The following HEPHL1 variants were observed in gnomAD, a reference collection of about 807,000 sequenced individuals.
HEPHL1 encodes the protein ferroxidase HEPHL1.
In HEPHL1, 123 loss-of-function variants were observed where a neutral mutation model predicts 122.0. The ratio of observed to expected loss-of-function variants is 1.01; its 90% CI spans 0.87 to 1.17. The LOEUF (loss-of-function observed/expected upper bound fraction) is 1.17. Among genes scored for constraint, HEPHL1 ranks in the 50% most tolerant of loss-of-function variants. The pLI, the probability that HEPHL1 is intolerant of heterozygous loss-of-function variation, is 0.00. For synonymous variants in HEPHL1, 527 were observed against 508.9 expected (o/e 1.04, Z -0.48); for missense variants, 1,452 against 1,430.5 (o/e 1.01, Z -0.24).
chr11:94,048,974 A>AAGT (rs1945864766), intron 2 of HEPHL1, among the ~76,000 whole-genome samples: 2 of 151,966 alleles, frequency 1.3e-5, no homozygotes, highest in Non-Finnish European at 2.9e-5. Flanking sequence ...ACAAAAAATT[A>AAGT]GCCAGGAGTT....
At chr11:94,043,089 T>G (rs952666188) in intron 1 of HEPHL1, among the ~76,000 whole-genome samples, 1 of 152,036 alleles carries the variant, frequency 6.6e-6, no homozygotes, top group Non-Finnish European at 1.5e-5. Context: ...CTTAACACAT[T>G]TTTTAAATAA....
At chr11:94,060,588 C>T (rs563518015) in intron 2 of HEPHL1, among the ~76,000 whole-genome samples, 8 of 152,228 alleles carry the variant, frequency 5.3e-5, no homozygotes, top group Middle Eastern at 3.4e-3. Context: ...ATTGCCCAAG[C>T]TGCATACCTA....
intron 1 of HEPHL1, among the ~76,000 whole-genome samples, chr11:94,035,294 C>T (rs1365211580): frequency 6.6e-6 from 1 of 152,138 alleles, no homozygotes; most frequent in Non-Finnish European, 1.5e-5. Flanking sequence ...GGCTTTGTTC[C>T]TTCCTCTTGA....
chr11:94,104,387 G>C, intron 15 of HEPHL1, 141 bp from the exon 16 acceptor site: 1 of 630,056 alleles, frequency 1.6e-6, no homozygotes. Flanking sequence ...GCTGGAGGTG[G>C]GGTGAATCAG....
intron 14 of HEPHL1, 141 bp from the exon 15 acceptor site, chr11:94,102,773 A>G: frequency 1.8e-6 from 1 of 564,522 alleles, no homozygotes; most frequent in Non-Finnish European, 3.1e-6. Context: ...GGAGTTTAAT[A>G]AGAACATTTG....
chr11:94,054,841 C>A (rs939322599), intron 2 of HEPHL1, among the ~76,000 whole-genome samples: 1 of 152,112 alleles, frequency 6.6e-6, no homozygotes, highest in African/African-American at 2.4e-5. Flanking sequence ...TTTGAATATG[C>A]GAAGAAAGAA....
intron 9 of HEPHL1, among the ~76,000 whole-genome samples, chr11:94,079,755 G>C (rs763151966): frequency 3.5e-4 from 54 of 152,252 alleles, no homozygotes; most frequent in Admixed American, 2.0e-4. Context: ...GCAGGAACCG[G>C]AATACCATTA....
rs1218626879 is a variant in HEPHL1 at position 94,102,945 on chromosome 11, TA to T, written c.2611del (p.Arg871AspfsTer20). 6.9e-6 allele frequency: 11 copies of T among 1,604,912 alleles called. No individual in the cohort carries two copies. Among genetic ancestry groups the T allele is most frequent in the Non-Finnish European group, 9.4e-6 (11 of 1,171,916 alleles). ...EVKTYRWNIP[K>X]RSGPGPSDPN... ...TAAAAACTTATAGATGGAATATCCC[TA>T]AAAGATCCGGTCCAGGGCCTTCTGA... On this transcript the variant is annotated frameshift_variant, in exon 15 of 20. Transcript: ENST00000315765. LOFTEE classifies it high-confidence loss of function.
chr11:94,055,063 AG>A (rs1945925161), intron 2 of HEPHL1: 1 of 162,050 alleles, frequency 6.2e-6, no homozygotes, highest in African/African-American at 2.4e-5. Context: ...CTCTGCCGGA[AG>A]GTAGGTGATG....
intron 2 of HEPHL1, among the ~76,000 whole-genome samples, chr11:94,060,792 C>T (rs1272989841): frequency 6.6e-6 from 1 of 152,130 alleles, no homozygotes; most frequent in Non-Finnish European, 1.5e-5. Context: ...ACCTTCATCC[C>T]AACACTGATG....
chr11:94,049,422 A>G (rs1945870486), intron 2 of HEPHL1, among the ~76,000 whole-genome samples: 1 of 152,092 alleles, frequency 6.6e-6, no homozygotes, highest in Non-Finnish European at 1.5e-5. Flanking sequence ...TACAGCCACT[A>G]CGGAAAACAG....
In HEPHL1 at chr11:94,037,294, G is replaced by A. The variant is rs932692906; in HGVS notation, c.171-8379G>A. On this transcript the variant is annotated intron_variant, in intron 1 of 19. Transcript: ENST00000315765. ...CAAGGCGGCAGCGAGGCTGGGGGAG[G>A]GGCGCCCGCCATTGCCCAGGCTTGC... Among the ~76,000 whole-genome samples the A allele has an allele frequency of 1.1e-4, 17 of 152,064 alleles. No homozygotes were observed. The East Asian group carries it at 2.9e-3, about 26-fold the overall frequency.
At chr11:94,025,530 G>T (rs1945616862) in intron 1 of HEPHL1, among the ~76,000 whole-genome samples, 4 of 152,118 alleles carry the variant, frequency 2.6e-5, no homozygotes, top group Admixed American at 2.6e-4. Flanking sequence ...GAAATGCAGG[G>T]TTTTCATGGA....
At chr11:94,104,468 G>A in intron 15 of HEPHL1, 60 bp from the exon 16 acceptor site, 1 of 1,166,548 alleles carries the variant, frequency 8.6e-7, no homozygotes, top group Non-Finnish European at 1.3e-6. Context: ...GTGGCAGGTG[G>A]AATGAAATAT....
At chr11:94,031,376 GATA>G (rs1945674130) in intron 1 of HEPHL1, among the ~76,000 whole-genome samples, 2 of 145,392 alleles carry the variant, frequency 1.4e-5, no homozygotes. Flanking sequence ...ACACAAATGG[GATA>G]ATACTTTACA....
chr11:94,090,455 G>C (rs1452847722), intron 12 of HEPHL1, among the ~76,000 whole-genome samples: 1 of 152,174 alleles, frequency 6.6e-6, no homozygotes, highest in East Asian at 1.9e-4. Flanking sequence ...TAGCAGGAAG[G>C]TCTAGCTTCA....
Position 94,065,269 on chromosome 11 carries a change from T to TAA in HEPHL1, c.808+760_808+761dup, listed in dbSNP as rs546645681. Among the ~76,000 whole-genome samples the TAA allele has an allele frequency of 3.8e-3, 583 of 152,318 alleles. 3 individuals carry two copies. The highest frequency in any genetic ancestry group is 6.7e-3 in the Non-Finnish European group (457 of 68,018). On this transcript the variant is annotated intron_variant, in intron 4 of 19. Transcript: ENST00000315765. ...GCTTCTCTGTCTCTCAGAATTGTTC[T>TAA]AACCAAGGTATCCTCAATATAGTCA...
intron 9 of HEPHL1, 99 bp from the exon 10 acceptor site, chr11:94,082,319 C>A: frequency 1.2e-6 from 1 of 837,590 alleles, no homozygotes; most frequent in South Asian, 1.9e-5. Context: ...GTTGATCTGC[C>A]CTGACTTATT....
chr11:94,025,144 T>C (rs150264021), intron 1 of HEPHL1, among the ~76,000 whole-genome samples: 2 of 152,326 alleles, frequency 1.3e-5, no homozygotes, highest in African/African-American at 4.8e-5. Context: ...AATTAACTTT[T>C]ATGCTTGGTA....
Sources: gnomAD v4.1 joint callset for allele counts (sites outside exome capture counted in the v4.1 genomes callset) on GRCh38, gnomAD v4.1.1 for gene constraint, MANE v1.5 for transcripts, NCBI Gene and HGNC (gene_info 2026-07-23, HGNC 2026-07-21) for gene names.